The following TSEN15 variants were observed in gnomAD, a reference collection of about 807,000 sequenced individuals.
TSEN15 encodes tRNA-splicing endonuclease subunit Sen15.
In TSEN15, 10 loss-of-function variants were observed where a neutral mutation model predicts 20.5. The ratio of observed to expected loss-of-function variants is 0.49; its 90% CI spans 0.30 to 0.83. The LOEUF (loss-of-function observed/expected upper bound fraction) is 0.83, where lower values mean the gene tolerates loss of function less well. Ranked by LOEUF, TSEN15 falls within the 40% of genes least tolerant of loss-of-function variation. TSEN15 has a pLI of 0.06. For synonymous variants in TSEN15, 72 were observed against 80.1 expected, an observed-to-expected ratio of 0.90 and a Z score of 0.54; for missense variants, 180 against 218.6, an observed-to-expected ratio of 0.82 and a Z score of 1.11.
intron 3 of TSEN15, among the ~76,000 whole-genome samples, chr1:184,084,634 C>T (rs530365565): frequency 2.2e-4 from 33 of 151,872 alleles, no homozygotes; most frequent in South Asian, 6.3e-4. Context: ...CATTTCTTGA[C>T]ACTGGGAAGC....
chr1:184,095,476 T>G, intron 3 of TSEN15: 1 of 387,800 alleles, frequency 2.6e-6, no homozygotes, highest in Non-Finnish European at 4.6e-6. Flanking sequence ...ACACTGAAGC[T>G]CTAATCTCCA....
At chr1:184,070,005 T>C (rs1169357867) in intron 3 of TSEN15, among the ~76,000 whole-genome samples, 1 of 152,052 alleles carries the variant, frequency 6.6e-6, no homozygotes. Context: ...CAGTGATTTC[T>C]CTCAACTCTG....
At chr1:184,088,965 G>A (rs1421770134) in intron 3 of TSEN15, among the ~76,000 whole-genome samples, 1 of 152,180 alleles carries the variant, frequency 6.6e-6, no homozygotes, top group African/African-American at 2.4e-5. Context: ...CCACAGCCAG[G>A]TAGATAATAC....
At chr1:184,087,447 A>G (rs1252459560) in intron 3 of TSEN15, among the ~76,000 whole-genome samples, 1 of 152,210 alleles carries the variant, frequency 6.6e-6, no homozygotes, top group African/African-American at 2.4e-5. Flanking sequence ...AGAATAGGTC[A>G]CCAAGAACCA....
At chr1:184,087,979 C>T (rs1651293496) in intron 3 of TSEN15, among the ~76,000 whole-genome samples, 1 of 152,078 alleles carries the variant, frequency 6.6e-6, no homozygotes, top group African/African-American at 2.4e-5. Flanking sequence ...TTAGGGGAGA[C>T]CTAAGCTCCT....
intron 3 of TSEN15, among the ~76,000 whole-genome samples, chr1:184,080,752 A>G (rs1454950192): frequency 6.6e-6 from 1 of 152,186 alleles, no homozygotes; most frequent in Non-Finnish European, 1.5e-5. Flanking sequence ...GCTTGTTGAC[A>G]CTAAATTTTG....
At chr1:184,067,240 CA>C (rs1470659998) in intron 3 of TSEN15, among the ~76,000 whole-genome samples, 1 of 152,084 alleles carries the variant, frequency 6.6e-6, no homozygotes, top group East Asian at 1.9e-4. Flanking sequence ...CATTTCTTAC[CA>C]CTTACACTAC....
intron 3 of TSEN15, chr1:184,094,843 G>GGAA: frequency 2.5e-6 from 1 of 392,956 alleles, no homozygotes; most frequent in Non-Finnish European, 4.5e-6. Flanking sequence ...AGGGGATGAG[G>GGAA]GAAGGATAAG....
chr1:184,095,669 G>A (rs368394196), intron 3 of TSEN15: 1 of 378,736 alleles, frequency 2.6e-6, no homozygotes, highest in Non-Finnish European at 4.6e-6. Context: ...CTCTCTCTCT[G>A]TGTCTCTCTC....
chr1:184,060,464 A>G (rs1300457009), intron 3 of TSEN15, among the ~76,000 whole-genome samples: 6 of 152,252 alleles, frequency 3.9e-5, no homozygotes, highest in African/African-American at 1.2e-4. Flanking sequence ...GGTTTCCACA[A>G]AGAACACTAT....
chr1:184,051,770 C>T lies in TSEN15; in HGVS notation c.15C>T (p.Gly5=). The change falls in exon 1 of 5, where the codon GGC becomes GGT. Residue 5 remains glycine (G), a synonymous_variant. Transcript: ENST00000645668. MEER[G]DSEPTPGCSG... ...CACCGGCCGGCATGGAGGAGCGCGG[C>T]GATTCCGAGCCGACCCCCGGCTGCA... 1 of 1,499,018 alleles carries T rather than the reference C, an allele frequency of 6.7e-7. No homozygotes were observed. The highest frequency in any genetic ancestry group is 8.9e-7 in the Non-Finnish European group (1 of 1,124,366). 92.9% of individuals were successfully genotyped at this position (1,499,018 alleles called of 1,614,324 possible).
chr1:184,091,663 C>G (rs1185252042), intron 3 of TSEN15, among the ~76,000 whole-genome samples: 1 of 152,088 alleles, frequency 6.6e-6, no homozygotes, highest in Admixed American at 6.6e-5. Context: ...TCCCTACTGT[C>G]TCTTTCCATT....
downstream of TSEN15, among the ~76,000 whole-genome samples, chr1:184,078,665 A>G (rs1651108805): frequency 6.6e-6 from 1 of 152,198 alleles, no homozygotes; most frequent in South Asian, 2.1e-4. Flanking sequence ...AGAATATGTT[A>G]CTAAACACCA....
Position 184,072,165 on chromosome 1 carries a change from A to C in TSEN15, c.362A>C (p.Glu121Ala). ...TASLSHNRIR[E>A]ILKASRKLQG... The stretch of plus-strand genomic sequence containing the variant: ...TGTGACTTTATTTTCAGGATAAGGG[A>C]GATCTTGAAGGCATCTCGAAAGTTG... Residue 121 changes from glutamate to alanine, a missense_variant, in exon 4 of 5, where the codon GAG becomes GCG. Glu to Ala is a moderately radical substitution (Grantham distance 107). Coordinates refer to ENST00000645668, the MANE Select transcript of TSEN15 (RefSeq NM_052965.4). The C allele has an allele frequency of 6.2e-7, 1 of 1,613,332 alleles. No individual in the cohort carries two copies.
At chr1:184,095,282 T>C in intron 3 of TSEN15, 1 of 395,600 alleles carries the variant, frequency 2.5e-6, no homozygotes, top group Non-Finnish European at 4.5e-6. Flanking sequence ...TTCTCTTCAA[T>C]AAGAAGAAAG....
At chr1:184,088,695 C>A (rs1041501248) in intron 3 of TSEN15, among the ~76,000 whole-genome samples, 5 of 122,380 alleles carry the variant, frequency 4.1e-5, no homozygotes, top group Non-Finnish European at 8.9e-5. Context: ...TTTCTACTTA[C>A]ATTTCCTATT....
At chr1:184,069,539 C>T (rs776127505) in intron 3 of TSEN15, among the ~76,000 whole-genome samples, 5 of 151,988 alleles carry the variant, frequency 3.3e-5, no homozygotes, top group Non-Finnish European at 7.4e-5. Context: ...AAACCATAAG[C>T]TTGTTAGAAA....
In TSEN15 at chr1:184,073,047, C is replaced by CTT. The variant is rs1650950978; in HGVS notation, c.*202_*203dup. 3.6e-6 allele frequency: 2 copies of CTT among 561,950 alleles called. No homozygotes were observed. 34.8% of individuals were successfully genotyped at this position (561,950 alleles called of 1,614,324 possible). A position where few individuals can be genotyped will look rare whatever the true frequency, so the allele number is the denominator to read the frequency against. Reference sequence around the variant, plus strand: ...CTTCTTAAAAAATATAGGGTGATTTCTTTAAAACTTTGTTATCTAGAGACA... The same window carrying CTT: ...CTTCTTAAAAAATATAGGGTGATTTCTTTTTAAAACTTTGTTATCTAGAGACA... On this transcript the variant is annotated 3_prime_UTR_variant, in exon 5 of 5. Transcript: ENST00000645668.
In TSEN15 at chr1:184,063,761, C is replaced by T. The variant is rs149814453; in HGVS notation, c.354-8396C>T. 3.1e-3 allele frequency among the ~76,000 whole-genome samples: 474 copies of T among 151,730 alleles called. 2 individuals are homozygous for T. The highest frequency in any genetic ancestry group is 7.4e-3 in the African/African-American group (306 of 41,412). ...CAGTAACCCAGATAATATAAATGGA[C>T]GAATTATTTATTTTTAAATCCATTG... is the stretch of plus-strand genomic sequence containing the variant. On this transcript the variant is annotated intron_variant, in intron 3 of 4. Transcript: ENST00000645668.
Sources: gnomAD v4.1 joint callset for allele counts (sites outside exome capture counted in the v4.1 genomes callset) on GRCh38, gnomAD v4.1.1 for gene constraint, MANE v1.5 for transcripts, NCBI Gene and HGNC (gene_info 2026-07-23, HGNC 2026-07-21) for gene names.